Variants in GRM8 observed in about 807,000 individuals in gnomAD.
The protein encoded by GRM8 is metabotropic glutamate receptor 8.
In GRM8, 47 loss-of-function variants were observed where a neutral mutation model predicts 87.2. The ratio of observed to expected loss-of-function variants is 0.54; its 90% confidence interval spans 0.43 to 0.69. The LOEUF is 0.69. Ranked by LOEUF, GRM8 falls within the 30% of genes least tolerant of loss-of-function variation. The pLI, the probability that GRM8 is intolerant of heterozygous loss-of-function variation, is 0.00. For synonymous variants in GRM8, 396 were observed against 404.5 expected, an observed-to-expected ratio of 0.98 and a Z score of 0.25; for missense variants, 1,019 against 1,139.2, an observed-to-expected ratio of 0.89 and a Z score of 1.52.
chr7:127,208,273 G>T (rs1001611245), intron 2 of GRM8, among the ~76,000 whole-genome samples: 1 of 152,102 alleles, frequency 6.6e-6, no homozygotes, highest in Non-Finnish European at 1.5e-5. Context: ...CTTATCACAC[G>T]TGTACCTCTC....
chr7:126,472,563 G>A (rs192172585), intron 9 of GRM8, among the ~76,000 whole-genome samples: 1 of 152,266 alleles, frequency 6.6e-6, no homozygotes, highest in Admixed American at 6.5e-5. Context: ...GAGCATAAAA[G>A]TTTGAAAAAT....
chr7:126,585,317 G>A (rs900815799), intron 8 of GRM8, among the ~76,000 whole-genome samples: 1 of 152,102 alleles, frequency 6.6e-6, no homozygotes, highest in Non-Finnish European at 1.5e-5. Context: ...GAGTATTAGT[G>A]AGAATTAAAA....
At chr7:126,775,696 T>C (rs1464049910) in intron 6 of GRM8, among the ~76,000 whole-genome samples, 2 of 151,946 alleles carry the variant, frequency 1.3e-5, no homozygotes, top group Admixed American at 6.6e-5. Flanking sequence ...AACTGACTGA[T>C]AGAAGCAGCT....
intron 2 of GRM8, among the ~76,000 whole-genome samples, chr7:127,236,566 C>T (rs1006488719): frequency 2.0e-5 from 3 of 152,276 alleles, no homozygotes; most frequent in South Asian, 2.1e-4. Context: ...ATCACGAGAA[C>T]AGCATGGAGA....
chr7:126,470,760 G>C (rs572026473), intron 9 of GRM8, among the ~76,000 whole-genome samples: 5 of 152,198 alleles, frequency 3.3e-5, no homozygotes, highest in African/African-American at 4.8e-5. Flanking sequence ...CCTGAGGAAT[G>C]GCCACACTGA....
chr7:126,561,677 C>A (rs1038096624), intron 8 of GRM8, among the ~76,000 whole-genome samples: 2 of 151,274 alleles, frequency 1.3e-5, no homozygotes, highest in Non-Finnish European at 2.9e-5. Context: ...GCACAACGTG[C>A]AGGTTTGTTA....
intron 3 of GRM8, among the ~76,000 whole-genome samples, chr7:127,057,331 T>C (rs1013262908): frequency 1.3e-5 from 2 of 152,212 alleles, no homozygotes; most frequent in Non-Finnish European, 2.9e-5. Context: ...CCCCACTGGA[T>C]TTCAAGTTCA....
At chr7:126,893,109 G>C (rs1217270129) in intron 6 of GRM8, among the ~76,000 whole-genome samples, 1 of 151,958 alleles carries the variant, frequency 6.6e-6, no homozygotes, top group African/African-American at 2.4e-5. Context: ...CCTCATTAGA[G>C]GTAGTATGGA....
At chr7:126,625,900 C>T (rs566868764) in intron 7 of GRM8, among the ~76,000 whole-genome samples, 2 of 152,164 alleles carry the variant, frequency 1.3e-5, no homozygotes, top group African/African-American at 2.4e-5. Context: ...AAATACGTTA[C>T]AATACCCTGA....
intron 3 of GRM8, among the ~76,000 whole-genome samples, chr7:127,004,509 T>C (rs1469866006): frequency 6.6e-6 from 1 of 151,652 alleles, no homozygotes; most frequent in Non-Finnish European, 1.5e-5. Context: ...TATTAAAAGA[T>C]ATGGTACAAC....
At chr7:126,809,041 G>A (rs1036698590) in intron 6 of GRM8, among the ~76,000 whole-genome samples, 1 of 152,012 alleles carries the variant, frequency 6.6e-6, no homozygotes, top group Non-Finnish European at 1.5e-5. Context: ...ATTAGTCCTA[G>A]AATCTCACAG....
At chr7:126,833,309 G>A (rs1021707509) in intron 6 of GRM8, among the ~76,000 whole-genome samples, 1 of 152,192 alleles carries the variant, frequency 6.6e-6, no homozygotes, top group Non-Finnish European at 1.5e-5. Flanking sequence ...CTTATCATCT[G>A]AGTAATCATT....
At position 126,489,543 on chromosome 7, in the gene GRM8, G is replaced by A. The variant is rs532693985; in HGVS notation, c.2431-43171C>T. Reference sequence around the variant, plus strand: ...GGTATTAGTAGTCTAAATCTGAAAGGTGTAAAGAAAAACAAGACTTTGAAG... The same window carrying A: ...GGTATTAGTAGTCTAAATCTGAAAGATGTAAAGAAAAACAAGACTTTGAAG... On this transcript the variant is annotated intron_variant, in intron 9 of 10. Transcript: ENST00000339582. Among the ~76,000 whole-genome samples, 11 of 152,110 alleles carry A rather than the reference G, an allele frequency of 7.2e-5. No homozygotes were observed. The South Asian group carries it at 2.1e-3, about 29-fold the overall frequency.
chr7:126,672,322 C>T (rs1361282566), intron 7 of GRM8, among the ~76,000 whole-genome samples: 1 of 152,150 alleles, frequency 6.6e-6, no homozygotes, highest in Non-Finnish European at 1.5e-5. Context: ...GATGCTCTTC[C>T]CTCTCTTCCT....
chr7:126,536,656 G>GA (rs1211051842), intron 8 of GRM8, among the ~76,000 whole-genome samples: 2 of 151,630 alleles, frequency 1.3e-5, no homozygotes, highest in African/African-American at 4.8e-5. Flanking sequence ...AAAATACTGA[G>GA]AAAAAAAATG....
At chr7:126,724,797 A>C (rs986779179) in intron 7 of GRM8, among the ~76,000 whole-genome samples, 1 of 152,180 alleles carries the variant, frequency 6.6e-6, no homozygotes, top group African/African-American at 2.4e-5. Flanking sequence ...GACTGTTTTA[A>C]TACATCTCCT....
chr7:126,798,041 T>C (rs1049028705), intron 6 of GRM8, among the ~76,000 whole-genome samples: 1 of 152,102 alleles, frequency 6.6e-6, no homozygotes, highest in African/African-American at 2.4e-5. Flanking sequence ...AAGGGCCAAA[T>C]GACATCAAGA....
chr7:126,762,134 C>T (rs1025974929), intron 7 of GRM8, among the ~76,000 whole-genome samples: 4 of 151,678 alleles, frequency 2.6e-5, no homozygotes, highest in African/African-American at 7.3e-5. Flanking sequence ...AAATTAGGTA[C>T]CTTAGAAGAG....
chr7:126,695,766 G>C (rs1004150803), intron 7 of GRM8, among the ~76,000 whole-genome samples: 1 of 151,476 alleles, frequency 6.6e-6, no homozygotes, highest in African/African-American at 2.5e-5. Flanking sequence ...TGTATGATCA[G>C]ATTTGCATTT....
Sources: gnomAD v4.1 joint callset for allele counts (sites outside exome capture counted in the v4.1 genomes callset) on GRCh38, gnomAD v4.1.1 for gene constraint, MANE v1.5 for transcripts, NCBI Gene and HGNC (gene_info 2026-07-23, HGNC 2026-07-21) for gene names.